EP400: variants seen among roughly 807,000 people sequenced by gnomAD.
EP400 encodes the protein E1A-binding protein p400.
Under a neutral mutation model 354.1 loss-of-function variants are expected in EP400, and 105 were observed. That is an observed-to-expected ratio of 0.30 (90% CI 0.25 to 0.35). The LOEUF (loss-of-function observed/expected upper bound fraction) is 0.35, where lower values mean the gene tolerates loss of function less well. Among genes scored for constraint, EP400 ranks in the 10% least tolerant of loss-of-function variants. EP400 has a pLI of 1.00. For synonymous variants in EP400, 1,646 were observed against 1,716.9 expected, an observed-to-expected ratio of 0.96 and a Z score of 1.02; for missense variants, 3,280 against 4,121.0, an observed-to-expected ratio of 0.80 and a Z score of 5.59.
At position 132,070,974 on chromosome 12, in the gene EP400, A is replaced by G. The variant is rs1896049065; in HGVS notation, c.9021+1333A>G. ...TTTTGTTTTGTTGCATTTCCTTCGT[A>G]TACAGTTGTATCACCTGTAAATCAT... On this transcript the variant is annotated intron_variant, in intron 51 of 52. Transcript: ENST00000389561. This position sits in a 1 kb window ranked among gnomAD's most constrained non-coding sequence, Gnocchi z 4.1. 6.6e-6 allele frequency among the ~76,000 whole-genome samples: 1 copy of G among 152,142 alleles called. No homozygotes were observed. The highest frequency in any genetic ancestry group is 2.1e-4 in the South Asian group (1 of 4,832).
chr12:132,057,453 GATGA>G (rs1248120325), intron 45 of EP400, among the ~76,000 whole-genome samples: 2 of 152,222 alleles, frequency 1.3e-5, no homozygotes, highest in Non-Finnish European at 2.9e-5. Flanking sequence ...ACAGAAAACA[GATGA>G]ATGATTGCCA....
Position 132,077,669 on chromosome 12 carries a change from A to T in EP400, c.9368A>T (p.Gln3123Leu). 1 of 1,605,968 alleles carries T rather than the reference A, an allele frequency of 6.2e-7. No homozygotes were observed. Among genetic ancestry groups the T allele is most frequent in the Non-Finnish European group, 8.5e-7 (1 of 1,175,620 alleles). The stretch of plus-strand genomic sequence containing the variant: ...AAGACACCTACTAAGCCTCCGTGCC[A>T]GTAGTCAGGGCAGCAGGGCTGCCTC... ...RLKTPTKPPC[Q>L] Residue 3123 changes from glutamine to leucine, a missense_variant, in exon 53 of 53, where the codon CAG becomes CTG. This residue lies in a region of EP400 where 279 missense variants were observed against 386.7 expected (regional missense o/e 0.72). Coordinates refer to ENST00000389561, the MANE Select transcript of EP400 (RefSeq NM_015409.5).
chr12:131,979,602 A>T (rs1324376965), intron 2 of EP400, 92 bp from the exon 3 acceptor site: 2 of 1,068,224 alleles, frequency 1.9e-6, no homozygotes, highest in Non-Finnish European at 2.7e-6. Flanking sequence ...GAAAGGAAGG[A>T]GGTCGATGTT....
chr12:132,022,106 A>T (rs1894140680), intron 23 of EP400, among the ~76,000 whole-genome samples: 1 of 152,194 alleles, frequency 6.6e-6, no homozygotes, highest in South Asian at 2.1e-4. Context: ...TTTCCTTACA[A>T]GTCTCTCTCT....
At chr12:132,055,431 A>G (rs918133337) in intron 45 of EP400, among the ~76,000 whole-genome samples, 11 of 144,562 alleles carry the variant, frequency 7.6e-5, no homozygotes, top group East Asian at 6.3e-4. Flanking sequence ...GAGGTGGGGT[A>G]TGTGTGTGTG....
chr12:132,031,260 G>A (rs746850052), intron 29 of EP400: 16 of 518,988 alleles, frequency 3.1e-5, no homozygotes, highest in South Asian at 2.1e-4. Context: ...TTTGTTGCCT[G>A]TAAAGTGCTC....
chr12:132,051,945 G>A (rs1895306283), intron 41 of EP400, among the ~76,000 whole-genome samples: 1 of 152,228 alleles, frequency 6.6e-6, no homozygotes, highest in Non-Finnish European at 1.5e-5. Context: ...AGACCCAGGA[G>A]CCCTCTGGTG....
At chr12:131,989,939 C>A in intron 7 of EP400, 25 bp from the exon 8 acceptor site, 1 of 1,611,520 alleles carries the variant, frequency 6.2e-7, no homozygotes, top group Non-Finnish European at 8.5e-7. Flanking sequence ...GTACAACATA[C>A]AATTCTTGCA....
chr12:131,958,867 A>G (rs1455972363), intron 1 of EP400, among the ~76,000 whole-genome samples: 2 of 152,094 alleles, frequency 1.3e-5, no homozygotes, highest in Admixed American at 6.5e-5. Flanking sequence ...TCCGTTGTCC[A>G]TTTTCTCACA....
chr12:131,954,414 C>T (rs1047627583), intron 1 of EP400, among the ~76,000 whole-genome samples: 3 of 151,352 alleles, frequency 2.0e-5, no homozygotes, highest in Non-Finnish European at 2.9e-5. Flanking sequence ...ATGTTGAAAC[C>T]CTGTCTATAC....
chr12:131,975,686 A>G (rs1892449215), intron 2 of EP400, among the ~76,000 whole-genome samples: 1 of 151,594 alleles, frequency 6.6e-6, no homozygotes. Context: ...CAGCTTCCCA[A>G]GTAGCTGGGA....
Position 132,027,583 on chromosome 12 carries a change from G to A in EP400, c.5109+52G>A. On this transcript the variant is annotated intron_variant, in intron 26 of 52. Transcript: ENST00000389561. This position sits in a 1 kb window ranked among gnomAD's most constrained non-coding sequence, Gnocchi z 4.9. ...TGCACGTGGACAGGTAGCTTTCCAAGAGCTGCTCGTTGTGTTTGGTTGTGA... is the reference window on the plus strand; with the variant it reads ...TGCACGTGGACAGGTAGCTTTCCAAAAGCTGCTCGTTGTGTTTGGTTGTGA... 6.9e-7 allele frequency: 1 copy of A among 1,459,518 alleles called. No homozygotes were observed. Among genetic ancestry groups the A allele is most frequent in the Non-Finnish European group, 9.3e-7 (1 of 1,071,284 alleles). 90.4% of individuals were successfully genotyped at this position (1,459,518 alleles called of 1,614,324 possible). A position where few individuals can be genotyped will look rare whatever the true frequency, so the allele number is the denominator to read the frequency against.
At chr12:131,993,082 C>A (rs560470277) in intron 11 of EP400, among the ~76,000 whole-genome samples, 20 of 152,250 alleles carry the variant, frequency 1.3e-4, no homozygotes, top group African/African-American at 3.4e-4. Flanking sequence ...GGCACATGGC[C>A]CAGGACTGGC....
chr12:132,013,357 T>G lies in EP400; in HGVS notation c.3612-133T>G, dbSNP rs1893825584. 1 of 1,398,776 alleles carries G rather than the reference T, an allele frequency of 7.1e-7. No individual in the cohort carries two copies. Among genetic ancestry groups the G allele is most frequent in the African/African-American group, 1.4e-5 (1 of 69,772 alleles). The allele number at this position is 1,398,776 out of a possible 1,614,324, so 86.6% of individuals were successfully genotyped here. A position where few individuals can be genotyped will look rare whatever the true frequency, so the allele number is the denominator to read the frequency against. On this transcript the variant is annotated intron_variant, in intron 17 of 52. Coordinates refer to ENST00000389561, the MANE Select transcript of EP400 (RefSeq NM_015409.5). The surrounding 1 kb of genome is among the most constrained non-coding windows in gnomAD (Gnocchi z 4.5). ...AGAGCTGGGTCAGTGCAGCCCCCCT[T>G]TTCAGGCATGTGCACGTTGACATTT...
rs527281813 is a variant in EP400, at chr12:132,076,003, T to G, written c.9022-513T>G. The G allele has an allele frequency of 9.7e-5, 21 of 215,486 alleles. No individual in the cohort carries two copies. The East Asian group carries it at 2.1e-3, about 22-fold the overall frequency. The allele number at this position is 215,486 out of a possible 1,614,324, so 13.3% of individuals were successfully genotyped here. A position where few individuals can be genotyped will look rare whatever the true frequency, so the allele number is the denominator to read the frequency against. On this transcript the variant is annotated intron_variant, in intron 51 of 52. Coordinates refer to ENST00000389561, the MANE Select transcript of EP400 (RefSeq NM_015409.5). ...GGGCACTGGGTGGAAAGTGTTGCTT[T>G]ATAAATAGCCAGATCTCAATCATGA...
chr12:131,981,981 T>C, intron 4 of EP400, 112 bp from the exon 5 acceptor site: 1 of 1,350,028 alleles, frequency 7.4e-7, no homozygotes. Flanking sequence ...CTCGTGTGAG[T>C]GTGGTGGGTC....
intron 29 of EP400, among the ~76,000 whole-genome samples, chr12:132,030,825 C>T (rs1894464758): frequency 6.6e-6 from 1 of 152,216 alleles, no homozygotes; most frequent in Non-Finnish European, 1.5e-5. Context: ...GCCCCGTGCC[C>T]TGGCAGCTTC....
At chr12:132,058,190 G>A (rs1895577040) in intron 45 of EP400, among the ~76,000 whole-genome samples, 1 of 152,132 alleles carries the variant, frequency 6.6e-6, no homozygotes, top group Admixed American at 6.5e-5. Flanking sequence ...CGTGCATGGA[G>A]AATGGCATGT....
chr12:132,054,939 C>G lies in EP400; in HGVS notation c.7729-35C>G, dbSNP rs371726781. 11 of 1,604,270 alleles carry G rather than the reference C, an allele frequency of 6.9e-6. No individual in the cohort carries two copies. Among genetic ancestry groups the G allele is most frequent in the Middle Eastern group, 1.7e-4 (1 of 6,056 alleles). Reference sequence around the variant, plus strand: ...AGGATTTATGCAGGGGAGAGCCTGACGTGAAATTCAAATGGATTTTTTTTT... The same window carrying G: ...AGGATTTATGCAGGGGAGAGCCTGAGGTGAAATTCAAATGGATTTTTTTTT... On this transcript the variant is annotated intron_variant, in intron 43 of 52. Transcript: ENST00000389561. This position sits in a 1 kb window ranked among gnomAD's most constrained non-coding sequence, Gnocchi z 4.0.
Sources: allele counts gnomAD v4.1 joint callset (sites outside exome capture counted in the v4.1 genomes callset), GRCh38; gene constraint gnomAD v4.1.1; regional missense constraint gnomAD v4.1.1; non-coding constraint Gnocchi (gnomAD v3.1); transcripts MANE v1.5; gene names NCBI Gene and HGNC (gene_info 2026-07-23, HGNC 2026-07-21).